The following GPBP1L1 variants were observed in gnomAD, a reference collection of about 807,000 sequenced individuals.
GPBP1L1 encodes vasculin-like protein 1.
A neutral mutation model predicts 52.5 loss-of-function variants in GPBP1L1; 23 were observed. The observed-to-expected ratio is 0.44, with a 90% CI of 0.32 to 0.62. The LOEUF is 0.62. Among genes scored for constraint, GPBP1L1 ranks in the 20% least tolerant of loss-of-function variants. The pLI is 0.06. For missense variants in GPBP1L1, 596 were observed against 579.3 expected (o/e 1.03, Z -0.30); for synonymous variants, 243 against 203.1 (o/e 1.20, Z -1.67).
intron 10 of GPBP1L1, among the ~76,000 whole-genome samples, chr1:45,633,219 G>A (rs1644552351): frequency 1.3e-5 from 2 of 152,128 alleles, no homozygotes; most frequent in Admixed American, 6.5e-5. Flanking sequence ...GATGTTTACT[G>A]CAGTTTTATT....
intron 6 of GPBP1L1, among the ~76,000 whole-genome samples, chr1:45,644,523 C>A (rs891079392): frequency 4.6e-5 from 7 of 151,656 alleles, no homozygotes; most frequent in Admixed American, 1.3e-4. Flanking sequence ...TAGAAAAAAA[C>A]CCCAAAACTA....
Position 45,639,574 on chromosome 1 carries a change from T to TAAAA in GPBP1L1, c.744+632_744+635dup, listed in dbSNP as rs60435928. On this transcript the variant is annotated intron_variant, in intron 8 of 12. Transcript: ENST00000355105. The stretch of plus-strand genomic sequence containing the variant: ...AGATTCTGTCTCTACAAAAAATAAT[T>TAAAA]AAAAAAAAAAAAAAAAAAATGGCTG... 8.2e-3 allele frequency among the ~76,000 whole-genome samples: 1,067 copies of TAAAA among 130,082 alleles called. 11 individuals carry two copies. The highest frequency in any genetic ancestry group is 0.041 in the East Asian group (175 of 4,262). The allele number at this position is 130,082 out of a possible 152,430, so 85.3% of individuals were successfully genotyped here. A position where few individuals can be genotyped will look rare whatever the true frequency, so the allele number is the denominator to read the frequency against.
At chr1:45,670,938 G>A (rs867752130) in intron 2 of GPBP1L1, among the ~76,000 whole-genome samples, 4 of 150,666 alleles carry the variant, frequency 2.7e-5, no homozygotes, top group African/African-American at 7.3e-5. Context: ...GACTACAGGC[G>A]CCCGCCACCA....
At chr1:45,641,461 A>AACAC (rs143580004) in intron 7 of GPBP1L1, among the ~76,000 whole-genome samples, 2,641 of 146,836 alleles carry the variant, frequency 0.018, 62 homozygotes, top group African/African-American at 0.058. Context: ...CATACACATA[A>AACAC]ACACACACAC....
chr1:45,684,261 A>AT (rs1645251599), intron 2 of GPBP1L1, among the ~76,000 whole-genome samples: 1 of 138,256 alleles, frequency 7.2e-6, no homozygotes, highest in Non-Finnish European at 1.6e-5. Flanking sequence ...TCCGTCTCAA[A>AT]AAAAAAAAAA....
intron 2 of GPBP1L1, among the ~76,000 whole-genome samples, chr1:45,684,253 C>T (rs752828649): frequency 6.5e-4 from 40 of 61,680 alleles, no homozygotes; most frequent in Non-Finnish European, 1.0e-3. Context: ...AGCGAAACTC[C>T]GTCTCAAAAA....
rs1644469621 is a variant in GPBP1L1, at chr1:45,627,482, A to T, written c.*774T>A. 6.6e-6 allele frequency: 1 copy of T among 152,650 alleles called. No individual in the cohort carries two copies. Among genetic ancestry groups the T allele is most frequent in the Non-Finnish European group, 1.5e-5 (1 of 68,034 alleles). 9.5% of individuals were successfully genotyped at this position (152,650 alleles called of 1,614,324 possible). The stretch of plus-strand genomic sequence containing the variant: ...TTAAAGAAAATATACTTCTTACACA[A>T]GACAATCCAAACTGATGCAAAATAT... On this transcript the variant is annotated 3_prime_UTR_variant, in exon 13 of 13. Coordinates refer to ENST00000355105, the MANE Select transcript of GPBP1L1 (RefSeq NM_021639.5).
intron 8 of GPBP1L1, among the ~76,000 whole-genome samples, chr1:45,637,445 TCTGCCATTAC>T (rs1644607499): frequency 6.6e-6 from 1 of 150,408 alleles, no homozygotes. Context: ...CCTCCCACTA[TCTGCCATTAC>T]CACCTCTGCC....
At position 45,657,201 on chromosome 1, in the gene GPBP1L1, C is replaced by G. The variant is rs144181155; in HGVS notation, c.60+1827G>C. Reference sequence around the variant, plus strand: ...CTCCAAGCTTTGGGTCAGATTAGGCCAATTATGAGGTCCTGCAAATTTTGT... The same window carrying G: ...CTCCAAGCTTTGGGTCAGATTAGGCGAATTATGAGGTCCTGCAAATTTTGT... On this transcript the variant is annotated intron_variant, in intron 4 of 12. Coordinates refer to ENST00000355105, the MANE Select transcript of GPBP1L1 (RefSeq NM_021639.5). 9.8e-4 allele frequency among the ~76,000 whole-genome samples: 149 copies of G among 152,164 alleles called. 1 individual carries two copies. The highest frequency in any genetic ancestry group is 3.6e-3 in the Admixed American group (55 of 15,280).
chr1:45,645,781 TTGAGGCATTTTA>T, intron 6 of GPBP1L1: 6 of 368,994 alleles, frequency 1.6e-5, no homozygotes, highest in South Asian at 6.5e-5. Flanking sequence ...TTTTTTTTTT[TTGAGGCATTTTA>T]TTTGTAAATA....
At chr1:45,662,398 G>A (rs1231145866) in intron 2 of GPBP1L1, among the ~76,000 whole-genome samples, 5 of 152,146 alleles carry the variant, frequency 3.3e-5, no homozygotes, top group Admixed American at 3.3e-4. Context: ...TCCTGCTTTG[G>A]CCTCTCAAAG....
chr1:45,627,352 A>G lies in GPBP1L1; in HGVS notation c.*904T>C, dbSNP rs2148408679. The G allele has an allele frequency of 6.7e-6, 1 of 149,944 alleles. No homozygotes were observed. Among genetic ancestry groups the G allele is most frequent in the East Asian group, 2.0e-4 (1 of 5,098 alleles). The allele number at this position is 149,944 out of a possible 1,614,324, so 9.3% of individuals were successfully genotyped here. On this transcript the variant is annotated 3_prime_UTR_variant, in exon 13 of 13. Transcript: ENST00000355105. ...TAATTTATTGCACAGGTTTTTCTGC[A>G]TCAAAAAAGTATCTGCTAAAATAGA...
chr1:45,685,242 A>C (rs1262684984), intron 2 of GPBP1L1, among the ~76,000 whole-genome samples: 1 of 152,192 alleles, frequency 6.6e-6, no homozygotes, highest in Admixed American at 6.6e-5. Context: ...GACCTTAGAA[A>C]AGATCAGCAG....
chr1:45,629,471 CGATCTTTCTCT>C, intron 12 of GPBP1L1, 94 bp downstream of exon 12: 2 of 141,840 alleles, frequency 1.4e-5, no homozygotes, highest in South Asian at 1.9e-4. Context: ...CCCCCCCACC[CGATCTTTCTCT>C]CACATTAAAC....
At chr1:45,645,846 T>G (rs1644738001) in intron 6 of GPBP1L1, 1 of 503,924 alleles carries the variant, frequency 2.0e-6, no homozygotes, top group South Asian at 1.5e-5. Flanking sequence ...TTTTCCCTCC[T>G]GTGTGTTTTC....
chr1:45,630,532 A>G lies in GPBP1L1; in HGVS notation c.1119T>C (p.Pro373=). The G allele has an allele frequency of 6.2e-7, 1 of 1,613,868 alleles. No homozygotes were observed. Among genetic ancestry groups the G allele is most frequent in the Non-Finnish European group, 8.5e-7 (1 of 1,179,754 alleles). ...EGCHQNGLAL[P]VVEEGEVLSH... ...AGAGAACCTCCCCTTCTTCCACTAC[A>G]GGGAGGGCAAGACCATTTTGATGAC... The change falls in exon 11 of 13, where the codon CCT becomes CCC. Residue 373 remains proline (P), a synonymous_variant. Coordinates refer to ENST00000355105, the MANE Select transcript of GPBP1L1 (RefSeq NM_021639.5).
In GPBP1L1 at chr1:45,629,603, G is replaced by A; in HGVS notation, c.1245C>T (p.Leu415=). The A allele has an allele frequency of 6.2e-7, 1 of 1,612,190 alleles. No individual in the cohort carries two copies. The highest frequency in any genetic ancestry group is 8.5e-7 in the Non-Finnish European group (1 of 1,178,314). ...GCTCTGTCTTCATGTGGAACTCTTT[G>A]AGCTCATCCTCTGTGAGGGGAAGGC... ...ENCLPLTEDE[L]KEFHMKTEQL... The change falls in exon 12 of 13, where the codon CTC becomes CTT. Residue 415 remains leucine (L), a synonymous_variant. Transcript: ENST00000355105.
intron 8 of GPBP1L1, among the ~76,000 whole-genome samples, 163 bp downstream of exon 8, chr1:45,640,043 TAAAG>T (rs1275246713): frequency 1.2e-5 from 1 of 85,778 alleles, no homozygotes; most frequent in Non-Finnish European, 2.6e-5. Flanking sequence ...CTCAAAAAAA[TAAAG>T]AAAAAGAAAA....
chr1:45,687,680 C>T (rs762216359), upstream of GPBP1L1: 6 of 152,272 alleles, frequency 3.9e-5, no homozygotes, highest in Admixed American at 1.3e-4. Context: ...GGGCCCTTAT[C>T]ACCACACCTT....
Sources: gnomAD v4.1 joint callset for allele counts (sites outside exome capture counted in the v4.1 genomes callset) on GRCh38, gnomAD v4.1.1 for gene constraint, MANE v1.5 for transcripts, NCBI Gene and HGNC (gene_info 2026-07-23, HGNC 2026-07-21) for gene names.